GSPT1: variants seen among roughly 807,000 people sequenced by gnomAD.
The protein encoded by GSPT1 is G1 to S phase transition 1, also known as eukaryotic peptide chain release factor GTP-binding subunit ERF3A.
Under a neutral mutation model 72.5 loss-of-function variants are expected in GSPT1, and 20 were observed. The ratio of observed to expected loss-of-function variants is 0.28; its 90% confidence interval spans 0.19 to 0.40. The LOEUF is 0.40. Ranked by LOEUF, GSPT1 falls within the 10% of genes least tolerant of loss-of-function variation. GSPT1 has a pLI of 1.00. For synonymous variants in GSPT1, 334 were observed against 293.5 expected, an observed-to-expected ratio of 1.14 and a Z score of -1.41; for missense variants, 580 against 811.9, an observed-to-expected ratio of 0.71 and a Z score of 3.47.
At chr16:11,874,246 A>G (rs1186270229) in intron 14 of GSPT1, among the ~76,000 whole-genome samples, 1 of 152,138 alleles carries the variant, frequency 6.6e-6, no homozygotes, top group Non-Finnish European at 1.5e-5. Flanking sequence ...TACATACTTA[A>G]AACAGGTCAA....
rs1020156430 is a variant in GSPT1 at position 11,871,682 on chromosome 16, A to G, written c.*1437T>C. ...TTATAGGGAAGAGACTTGTCATTAA[A>G]TATACAAAGTATCTTATTTAGAGAG... On this transcript the variant is annotated 3_prime_UTR_variant, in exon 15 of 15. Transcript: ENST00000434724. 2 of 152,230 alleles carry G rather than the reference A, an allele frequency of 1.3e-5. No individual in the cohort carries two copies. Among genetic ancestry groups the G allele is most frequent in the African/African-American group, 4.8e-5 (2 of 41,448 alleles). The allele number at this position is 152,230 out of a possible 1,614,324, so 9.4% of individuals were successfully genotyped here.
rs2141274782 is a variant in GSPT1 at position 11,877,319 on chromosome 16, G to A, written c.1602+88C>T. ...TACACTAAGATGGGTTAACTGGCAT[G>A]TCACAAATAATCAGGACAAAAGGCA... On this transcript the variant is annotated intron_variant, in intron 12 of 14. Coordinates refer to ENST00000434724, the MANE Select transcript of GSPT1 (RefSeq NM_002094.4). The surrounding 1 kb of genome is among the most constrained non-coding windows in gnomAD (Gnocchi z 4.0). 1.1e-6 allele frequency: 1 copy of A among 901,344 alleles called. No individual in the cohort carries two copies. Among genetic ancestry groups the A allele is most frequent in the Non-Finnish European group, 1.7e-6 (1 of 604,984 alleles). The allele number at this position is 901,344 out of a possible 1,614,324, so 55.8% of individuals were successfully genotyped here.
At chr16:11,885,396 C>A (rs2054175384) in intron 9 of GSPT1, 122 bp from the exon 10 acceptor site, 1 of 624,596 alleles carries the variant, frequency 1.6e-6, no homozygotes, top group Non-Finnish European at 2.9e-6. Flanking sequence ...TCCCATTCAA[C>A]CACTTTATTA....
intron 8 of GSPT1, 26 bp from the exon 9 acceptor site, chr16:11,886,637 A>G: frequency 6.3e-7 from 1 of 1,586,258 alleles, no homozygotes; most frequent in Non-Finnish European, 8.7e-7. Context: ...AACCAAAATA[A>G]CTCAATTATA....
Position 11,897,882 on chromosome 16 carries a change from C to A in GSPT1, c.395-1G>T. ...TCCATGCTAACAGCTGAATTTGAAC[C>A]TAGACAAGAGATTGAAATATAATAT... On this transcript the variant is annotated splice_acceptor_variant, in intron 2 of 14. Transcript: ENST00000434724. LOFTEE classifies it high-confidence loss of function. The A allele has an allele frequency of 1.3e-6, 2 of 1,540,788 alleles. No homozygotes were observed. The highest frequency in any genetic ancestry group is 1.2e-5 in the South Asian group (1 of 84,796).
At chr16:11,890,916 C>T (rs1053290920) in intron 6 of GSPT1, 146 bp downstream of exon 6, 2 of 555,576 alleles carry the variant, frequency 3.6e-6, no homozygotes, top group Non-Finnish European at 6.4e-6. Context: ...AACTCATCTA[C>T]TGTGTATTAT....
intron 1 of GSPT1, among the ~76,000 whole-genome samples, chr16:11,911,569 T>G (rs1358974924): frequency 1.3e-5 from 2 of 149,280 alleles, no homozygotes; most frequent in Non-Finnish European, 3.0e-5. Flanking sequence ...TTTTTTTTTT[T>G]TTTGAGACAG....
At chr16:11,880,603 T>C (rs768969144) in intron 11 of GSPT1, among the ~76,000 whole-genome samples, 19 of 152,206 alleles carry the variant, frequency 1.2e-4, no homozygotes, top group Non-Finnish European at 2.5e-4. Context: ...GCAGGGATTA[T>C]AGGCATAAGC....
At chr16:11,889,576 C>A in intron 6 of GSPT1, among the ~76,000 whole-genome samples, 1 of 151,750 alleles carries the variant, frequency 6.6e-6, no homozygotes, top group African/African-American at 2.4e-5. Context: ...AGCACCATCT[C>A]GGCTCACCGC....
At chr16:11,912,757 A>G (rs1448955593) in intron 1 of GSPT1, among the ~76,000 whole-genome samples, 3 of 152,244 alleles carry the variant, frequency 2.0e-5, no homozygotes, top group Non-Finnish European at 2.9e-5. Context: ...CTTGTCTTCT[A>G]TATTTTTATT....
chr16:11,898,172 A>C (rs1195040498), intron 1 of GSPT1, 137 bp from the exon 2 acceptor site: 15 of 620,844 alleles, frequency 2.4e-5, no homozygotes, highest in Non-Finnish European at 4.3e-5. Context: ...ATGGCAGCTA[A>C]CTCAGGCCTT....
At chr16:11,895,154 G>T (rs2054318080) in intron 4 of GSPT1, 167 bp from the exon 5 acceptor site, 1 of 538,660 alleles carries the variant, frequency 1.9e-6, no homozygotes, top group Non-Finnish European at 3.4e-6. Flanking sequence ...CTCAAGGCTG[G>T]GCTCGGTGGC....
chr16:11,902,404 CAA>C (rs775362322), intron 1 of GSPT1, among the ~76,000 whole-genome samples: 107 of 61,554 alleles, frequency 1.7e-3, no homozygotes, highest in African/African-American at 2.3e-3. Flanking sequence ...GACTCTGTCT[CAA>C]AAAAAAAAAA....
chr16:11,876,740 C>G (rs1353459544), intron 12 of GSPT1, among the ~76,000 whole-genome samples: 1 of 152,160 alleles, frequency 6.6e-6, no homozygotes, highest in Non-Finnish European at 1.5e-5. Context: ...AAGACCCCAT[C>G]TCCAAACAAA....
At position 11,869,613 on chromosome 16, in the gene GSPT1, G is replaced by A. The variant is rs973340164; in HGVS notation, c.*3506C>T. 3 of 152,182 alleles carry A rather than the reference G, an allele frequency of 2.0e-5. No individual in the cohort carries two copies. Among genetic ancestry groups the A allele is most frequent in the South Asian group, 2.1e-4 (1 of 4,832 alleles). 9.4% of individuals were successfully genotyped at this position (152,182 alleles called of 1,614,324 possible). A position where few individuals can be genotyped will look rare whatever the true frequency, so the allele number is the denominator to read the frequency against. Reference sequence around the variant, plus strand: ...TGAAAGTTGCCTGATGTTAAGACCTGTAATAAAACTGCGTATTTTCCCCTT... The same window carrying A: ...TGAAAGTTGCCTGATGTTAAGACCTATAATAAAACTGCGTATTTTCCCCTT... On this transcript the variant is annotated 3_prime_UTR_variant, in exon 15 of 15. Coordinates refer to ENST00000434724, the MANE Select transcript of GSPT1 (RefSeq NM_002094.4).
At chr16:11,916,352 G>C (rs1200501131), upstream of GSPT1, among the ~76,000 whole-genome samples, 10 of 152,242 alleles carry the variant, frequency 6.6e-5, no homozygotes, top group Admixed American at 6.5e-4. Context: ...GCCCATAGGA[G>C]GGGTCCACTC....
At position 11,915,641 on chromosome 16, in the gene GSPT1, G is replaced by A; in HGVS notation, c.80C>T (p.Ala27Val). Residue 27 changes from alanine (A) to valine (V), a missense_variant, in exon 1 of 15, where the codon GCG becomes GTG. This residue lies in a region of GSPT1 where 327 missense variants were observed against 298.8 expected (regional missense o/e 1.09). Coordinates refer to ENST00000434724, the MANE Select transcript of GSPT1 (RefSeq NM_002094.4). ...SSSGSSSSDS[A>V]PDCWDQADME... ...GTCCGCCTGGTCCCAGCAGTCAGGC[G>A]CCGAGTCGCTGCTGCTGCTGCCGCT... The A allele has an allele frequency of 6.7e-7, 1 of 1,487,010 alleles. No homozygotes were observed. The highest frequency in any genetic ancestry group is 8.9e-7 in the Non-Finnish European group (1 of 1,122,596). 92.1% of individuals were successfully genotyped at this position (1,487,010 alleles called of 1,614,324 possible). A position where few individuals can be genotyped will look rare whatever the true frequency, so the allele number is the denominator to read the frequency against.
At chr16:11,903,970 CATA>C (rs1469838476) in intron 1 of GSPT1, 1 of 207,320 alleles carries the variant, frequency 4.8e-6, no homozygotes, top group Non-Finnish European at 1.0e-5. Context: ...CTCAAAATCT[CATA>C]ATTTCTGCAG....
chr16:11,902,730 G>C (rs189454017), intron 1 of GSPT1, among the ~76,000 whole-genome samples: 1,359 of 132,898 alleles, frequency 0.01, 19 homozygotes, highest in South Asian at 0.031. Flanking sequence ...GGGACTATAG[G>C]CGTGTGCCAC....
Sources: allele counts gnomAD v4.1 joint callset (sites outside exome capture counted in the v4.1 genomes callset), GRCh38; gene constraint gnomAD v4.1.1; regional missense constraint gnomAD v4.1.1; non-coding constraint Gnocchi (gnomAD v3.1); transcripts MANE v1.5; gene names NCBI Gene and HGNC (gene_info 2026-07-23, HGNC 2026-07-21).